Variants in ERC1 observed in about 807,000 individuals in gnomAD.
The protein encoded by ERC1 is RAB6 interacting protein 2.
ERC1 carries 56 observed loss-of-function variants against 132.0 expected under a neutral mutation model. The ratio of observed to expected loss-of-function variants is 0.42; its 90% CI spans 0.34 to 0.53. The LOEUF (loss-of-function observed/expected upper bound fraction) is 0.53. ERC1 is among the 20% of genes least tolerant of loss of function. The pLI, the probability that ERC1 is intolerant of heterozygous loss-of-function variation, is 0.03. For synonymous variants in ERC1, 478 were observed against 476.1 expected, an observed-to-expected ratio of 1.00 and a Z score of -0.05; for missense variants, 1,202 against 1,349.9, an observed-to-expected ratio of 0.89 and a Z score of 1.72.
At chr12:1,050,954 G>T (rs538585992) in intron 2 of ERC1, among the ~76,000 whole-genome samples, 1 of 152,094 alleles carries the variant, frequency 6.6e-6, no homozygotes, top group African/African-American at 2.4e-5. Flanking sequence ...GCAGTGAGCC[G>T]AGATTGTGCC....
At chr12:1,361,581 C>T (rs1026365873) in intron 15 of ERC1, among the ~76,000 whole-genome samples, 5 of 152,122 alleles carry the variant, frequency 3.3e-5, no homozygotes, top group Non-Finnish European at 7.4e-5. Context: ...TAATCTTGAG[C>T]ACTAAAACTA....
At chr12:1,166,243 C>T (rs1440282320) in intron 8 of ERC1, among the ~76,000 whole-genome samples, 1 of 152,124 alleles carries the variant, frequency 6.6e-6, no homozygotes, top group Admixed American at 6.5e-5. Context: ...CTTTCTCGTG[C>T]TGTTCTTGCA....
At chr12:1,030,881 G>GCTATATC (rs913906529) in intron 2 of ERC1, among the ~76,000 whole-genome samples, 2 of 152,138 alleles carry the variant, frequency 1.3e-5, no homozygotes, top group Admixed American at 1.3e-4. Flanking sequence ...GAAGCAGTAG[G>GCTATATC]CTATATCCTA....
At chr12:1,196,482 A>G (rs1956245721) in intron 12 of ERC1, among the ~76,000 whole-genome samples, 1 of 149,368 alleles carries the variant, frequency 6.7e-6, no homozygotes, top group Non-Finnish European at 1.5e-5. Flanking sequence ...TGTGTTGGAA[A>G]GGTTTCTTAT....
chr12:1,225,221 G>A (rs2074462670), intron 12 of ERC1, among the ~76,000 whole-genome samples: 1 of 151,970 alleles, frequency 6.6e-6, no homozygotes, highest in Admixed American at 6.6e-5. Flanking sequence ...CAACTCAGGA[G>A]TCTGAGACGA....
intron 15 of ERC1, among the ~76,000 whole-genome samples, chr12:1,327,553 C>T (rs1297196317): frequency 6.6e-6 from 1 of 152,138 alleles, no homozygotes; most frequent in East Asian, 1.9e-4. Flanking sequence ...CCCTAGAAGT[C>T]CCCTTTTTCT....
At chr12:1,030,042 G>A (rs1052030690) in intron 2 of ERC1, among the ~76,000 whole-genome samples, 1 of 152,046 alleles carries the variant, frequency 6.6e-6, no homozygotes, top group Non-Finnish European at 1.5e-5. Flanking sequence ...GCCACCGCCA[G>A]GCCCATACTT....
At chr12:1,448,803 G>C (rs2093363304) in intron 18 of ERC1, among the ~76,000 whole-genome samples, 1 of 152,250 alleles carries the variant, frequency 6.6e-6, no homozygotes, top group African/African-American at 2.4e-5. Context: ...GCACTGCCTA[G>C]TGGAGCTCTG....
intron 1 of ERC1, among the ~76,000 whole-genome samples, chr12:1,024,455 T>C (rs1966797076): frequency 1.3e-5 from 2 of 152,190 alleles, no homozygotes; most frequent in African/African-American, 4.8e-5. Flanking sequence ...CTGCCTGTTA[T>C]TTCAAACCAC....
At chr12:1,014,658 CG>C (rs1215205656) in intron 1 of ERC1, among the ~76,000 whole-genome samples, 5 of 152,092 alleles carry the variant, frequency 3.3e-5, no homozygotes, top group African/African-American at 7.2e-5. Context: ...GAGATTGCCT[CG>C]TAAGCATTCT....
intron 8 of ERC1, among the ~76,000 whole-genome samples, chr12:1,180,282 T>TCAC (rs1954277285): frequency 6.9e-6 from 1 of 144,214 alleles, no homozygotes; most frequent in African/African-American, 2.6e-5. Context: ...TGTGTGTGTG[T>TCAC]GCGCGCACGC....
chr12:1,413,647 G>T (rs1015122800), intron 17 of ERC1, among the ~76,000 whole-genome samples: 10 of 152,114 alleles, frequency 6.6e-5, no homozygotes, highest in African/African-American at 2.4e-4. Context: ...TCTCTCACAT[G>T]TCATTCTGCT....
chr12:1,098,867 C>CA (rs1944354821), intron 3 of ERC1, among the ~76,000 whole-genome samples: 1 of 152,174 alleles, frequency 6.6e-6, no homozygotes, highest in Admixed American at 6.5e-5. Flanking sequence ...ATCACCTGGT[C>CA]ACTGGTCTAA....
intron 1 of ERC1, among the ~76,000 whole-genome samples, chr12:1,002,206 C>T (rs1262635328): frequency 1.9e-5 from 2 of 102,710 alleles, no homozygotes; most frequent in African/African-American, 7.5e-5. Flanking sequence ...GACAGTTTCA[C>T]TCTGTCGCCC....
At chr12:1,421,337 T>C (rs1443634016) in intron 17 of ERC1, among the ~76,000 whole-genome samples, 1 of 152,162 alleles carries the variant, frequency 6.6e-6, no homozygotes, top group Non-Finnish European at 1.5e-5. Context: ...AGGCAGCTGA[T>C]CAGAGGACGA....
intron 2 of ERC1, among the ~76,000 whole-genome samples, chr12:1,029,125 G>A (rs554429431): frequency 1.3e-5 from 2 of 152,250 alleles, no homozygotes; most frequent in South Asian, 4.1e-4. Flanking sequence ...AGGCCGAGGT[G>A]GGCGGATCAT....
chr12:1,254,555 C>T (rs2076669326), intron 13 of ERC1, among the ~76,000 whole-genome samples: 1 of 152,002 alleles, frequency 6.6e-6, no homozygotes, highest in Non-Finnish European at 1.5e-5. Context: ...CTCCCTCTCC[C>T]AGGCTGGAGT....
chr12:1,180,428 A>G, intron 8 of ERC1, 112 bp from the exon 9 acceptor site: 2 of 881,482 alleles, frequency 2.3e-6, no homozygotes, highest in Non-Finnish European at 3.4e-6. Context: ...TACAGAATGC[A>G]CACACACAGA....
intron 15 of ERC1, among the ~76,000 whole-genome samples, chr12:1,334,584 T>C (rs1178715380): frequency 6.6e-6 from 1 of 152,210 alleles, no homozygotes; most frequent in Non-Finnish European, 1.5e-5. Flanking sequence ...TTCTGTTCCA[T>C]TGGTCTATGT....
Sources: gnomAD v4.1 joint callset for allele counts (sites outside exome capture counted in the v4.1 genomes callset) on GRCh38, gnomAD v4.1.1 for gene constraint, MANE v1.5 for transcripts, NCBI Gene and HGNC (gene_info 2026-07-23, HGNC 2026-07-21) for gene names.